Variants in ZZZ3 observed in about 807,000 individuals in gnomAD.
The protein encoded by ZZZ3 is ZZ-type zinc finger-containing protein 3.
ZZZ3 carries 22 observed loss-of-function variants against 95.2 expected under a neutral mutation model. The observed-to-expected ratio is 0.23, with a 90% confidence interval of 0.17 to 0.33. The LOEUF is 0.33. Ranked by LOEUF, ZZZ3 falls within the 10% of genes least tolerant of loss-of-function variation. The probability of loss-of-function intolerance (pLI) is 1.00; values close to 1 mark genes in which losing one functional copy is unlikely to be tolerated. For missense variants in ZZZ3, 885 were observed against 1,066.5 expected (o/e 0.83, Z 2.37); for synonymous variants, 335 against 358.9 (o/e 0.93, Z 0.75).
chr1:77,566,905 G>C (rs1183251117), intron 13 of ZZZ3, among the ~76,000 whole-genome samples: 1 of 152,194 alleles, frequency 6.6e-6, no homozygotes, highest in Non-Finnish European at 1.5e-5. Flanking sequence ...TATAGTGGCT[G>C]ACAGAATGGC....
At chr1:77,661,095 A>G (rs531118466) in intron 1 of ZZZ3, among the ~76,000 whole-genome samples, 1 of 152,108 alleles carries the variant, frequency 6.6e-6, no homozygotes, top group Non-Finnish European at 1.5e-5. Context: ...CCCTTTAGGA[A>G]AATCACTCAG....
chr1:77,661,908 T>C (rs1375531603), intron 1 of ZZZ3, among the ~76,000 whole-genome samples: 2 of 151,808 alleles, frequency 1.3e-5, no homozygotes, highest in African/African-American at 4.8e-5. Flanking sequence ...CCTTGAACTC[T>C]TGGGCTCAAG....
At chr1:77,619,782 T>C (rs918483290) in intron 5 of ZZZ3, among the ~76,000 whole-genome samples, 1 of 152,132 alleles carries the variant, frequency 6.6e-6, no homozygotes, top group Non-Finnish European at 1.5e-5. Flanking sequence ...CTGAGTTAAA[T>C]TAACCATATG....
chr1:77,649,923 G>A lies in ZZZ3; in HGVS notation c.-402-8268C>T, dbSNP rs147863763. Among the ~76,000 whole-genome samples, 476 of 151,374 alleles carry A rather than the reference G, an allele frequency of 3.1e-3. 1 individual carries two copies. Among genetic ancestry groups the A allele is most frequent in the Admixed American group, 6.7e-3 (102 of 15,190 alleles). ...TAGTTTTTAAACATAAATAACTGAC[G>A]AGCAAAAAATATACCAATATACTGT... On this transcript the variant is annotated intron_variant, in intron 1 of 14. Transcript: ENST00000370801.
rs1023866140 is a variant in ZZZ3, at chr1:77,563,638, A to G, written c.*2002T>C. 3 of 152,184 alleles carry G rather than the reference A, an allele frequency of 2.0e-5. No homozygotes were observed. Among genetic ancestry groups the G allele is most frequent in the African/African-American group, 7.2e-5 (3 of 41,440 alleles). 9.4% of individuals were successfully genotyped at this position (152,184 alleles called of 1,614,324 possible). Reference sequence around the variant, plus strand: ...GGATCTGAATGGCTTTCCAAAACTAACTGGTATTATTTCTACACAAACATA... The same window carrying G: ...GGATCTGAATGGCTTTCCAAAACTAGCTGGTATTATTTCTACACAAACATA... On this transcript the variant is annotated 3_prime_UTR_variant, in exon 15 of 15. Transcript: ENST00000370801.
At chr1:77,649,364 T>C (rs1669593995) in intron 1 of ZZZ3, among the ~76,000 whole-genome samples, 1 of 151,764 alleles carries the variant, frequency 6.6e-6, no homozygotes, top group South Asian at 2.1e-4. Flanking sequence ...TGAAAAAAGT[T>C]GTCAACCAAA....
intron 8 of ZZZ3, 51 bp downstream of exon 8, chr1:77,581,725 T>A (rs772243937): frequency 7.2e-7 from 1 of 1,396,572 alleles, no homozygotes; most frequent in South Asian, 1.3e-5. Flanking sequence ...AATGTTAAAT[T>A]GTTTTGTCTA....
At chr1:77,574,673 A>C (rs1440765980) in intron 12 of ZZZ3, among the ~76,000 whole-genome samples, 1 of 152,198 alleles carries the variant, frequency 6.6e-6, no homozygotes, top group Non-Finnish European at 1.5e-5. Flanking sequence ...TAAGCTATTA[A>C]ACACTATTAG....
intron 4 of ZZZ3, among the ~76,000 whole-genome samples, chr1:77,634,539 A>C (rs899302213): frequency 2.0e-5 from 3 of 152,188 alleles, no homozygotes; most frequent in African/African-American, 7.2e-5. Flanking sequence ...ACCAGAAAAG[A>C]AAATGGGGAA....
chr1:77,649,750 C>T (rs568606308), intron 1 of ZZZ3, among the ~76,000 whole-genome samples: 8 of 151,804 alleles, frequency 5.3e-5, no homozygotes, highest in African/African-American at 7.3e-5. Flanking sequence ...GGTATGGTGG[C>T]GCATGTCTGT....
chr1:77,583,220 T>G (rs144751944), intron 6 of ZZZ3, among the ~76,000 whole-genome samples: 1 of 152,292 alleles, frequency 6.6e-6, no homozygotes, highest in East Asian at 1.9e-4. Flanking sequence ...TAATTGCATC[T>G]TTTTGCCTAC....
intron 5 of ZZZ3, among the ~76,000 whole-genome samples, chr1:77,601,908 T>C (rs963847438): frequency 1.3e-5 from 2 of 152,214 alleles, no homozygotes; most frequent in East Asian, 1.9e-4. Flanking sequence ...ATAGGCTATA[T>C]ACTCTCAGGA....
chr1:77,648,503 A>C (rs973482910), intron 1 of ZZZ3, among the ~76,000 whole-genome samples: 1 of 152,144 alleles, frequency 6.6e-6, no homozygotes, highest in Non-Finnish European at 1.5e-5. Context: ...AAAGCAGTAG[A>C]TGGATATATT....
chr1:77,621,095 T>C (rs1234872035), intron 5 of ZZZ3, among the ~76,000 whole-genome samples: 3 of 152,186 alleles, frequency 2.0e-5, no homozygotes, highest in Non-Finnish European at 4.4e-5. Context: ...CTTGATTTGG[T>C]AAATAATTTA....
At chr1:77,576,408 T>G (rs1452884866) in intron 11 of ZZZ3, among the ~76,000 whole-genome samples, 188 bp from the exon 12 acceptor site, 1 of 152,180 alleles carries the variant, frequency 6.6e-6, no homozygotes, top group Non-Finnish European at 1.5e-5. Context: ...TAAAAAATTT[T>G]TTTTAAATGT....
chr1:77,629,803 G>C (rs146154356), intron 5 of ZZZ3, among the ~76,000 whole-genome samples: 61 of 152,146 alleles, frequency 4.0e-4, no homozygotes, highest in African/African-American at 1.4e-3. Flanking sequence ...ATATCTTAAG[G>C]AACACATGAA....
intron 5 of ZZZ3, among the ~76,000 whole-genome samples, chr1:77,629,127 A>G (rs1395944040): frequency 6.6e-6 from 1 of 152,178 alleles, no homozygotes; most frequent in Non-Finnish European, 1.5e-5. Context: ...AGCCAACATT[A>G]TATCCAACCA....
intron 1 of ZZZ3, among the ~76,000 whole-genome samples, chr1:77,646,885 G>A (rs72683670): frequency 0.012 from 1,760 of 152,268 alleles, 8 homozygotes; most frequent in Non-Finnish European, 0.018. Context: ...AGGAGTTTAG[G>A]GGAGGCCAAG....
intron 12 of ZZZ3, among the ~76,000 whole-genome samples, chr1:77,575,749 A>C (rs1419158788): frequency 6.6e-6 from 1 of 152,204 alleles, no homozygotes; most frequent in Non-Finnish European, 1.5e-5. Context: ...ACTGTATAAC[A>C]AATTACCTTT....
Sources: allele counts gnomAD v4.1 joint callset (sites outside exome capture counted in the v4.1 genomes callset), GRCh38; gene constraint gnomAD v4.1.1; transcripts MANE v1.5; gene names NCBI Gene and HGNC (gene_info 2026-07-23, HGNC 2026-07-21).